Variants in TBC1D5 observed in about 807,000 individuals in gnomAD.
The protein encoded by TBC1D5 is TBC1 domain family member 5.
Under a neutral mutation model 100.3 loss-of-function variants are expected in TBC1D5, and 75 were observed. That is an observed-to-expected ratio of 0.75 (90% CI 0.62 to 0.91). The LOEUF is 0.91. Ranked by LOEUF, TBC1D5 falls within the 40% of genes least tolerant of loss-of-function variation. The probability of loss-of-function intolerance (pLI) is 0.00; values close to 1 mark genes in which losing one functional copy is unlikely to be tolerated. For synonymous variants in TBC1D5, 323 were observed against 325.6 expected (o/e 0.99, Z 0.09); for missense variants, 910 against 942.4 (o/e 0.97, Z 0.45).
chr3:17,481,221 G>A (rs7427937), intron 3 of TBC1D5, among the ~76,000 whole-genome samples: 2,502 of 152,308 alleles, frequency 0.016, 48 homozygotes, highest in South Asian at 0.047. Context: ...GGCACCTAGG[G>A]CTGCCCGCCC....
At chr3:17,229,438 G>C (rs999591285) in intron 17 of TBC1D5, among the ~76,000 whole-genome samples, 1 of 152,102 alleles carries the variant, frequency 6.6e-6, no homozygotes, top group Non-Finnish European at 1.5e-5. Context: ...CTGTTGGATT[G>C]GGTACCTGCA....
chr3:17,384,418 T>A (rs1040434669), intron 8 of TBC1D5, among the ~76,000 whole-genome samples: 2 of 152,120 alleles, frequency 1.3e-5, no homozygotes, highest in African/African-American at 4.8e-5. Context: ...TTTTCCTTGA[T>A]GTAAAATAGC....
chr3:17,735,769 C>A (rs1410741837), intron 1 of TBC1D5, among the ~76,000 whole-genome samples: 1 of 152,322 alleles, frequency 6.6e-6, no homozygotes, highest in East Asian at 1.9e-4. Context: ...GGACACCCTG[C>A]TGGATCTGGA....
exon 13 of TBC1D5, chr3:17,372,230 C>T: frequency 1.9e-6 from 3 of 1,608,828 alleles, no homozygotes; most frequent in Non-Finnish European, 2.5e-6. Flanking sequence ...GAATGGGAGT[C>T]ATCAGTGTTT....
intron 1 of TBC1D5, among the ~76,000 whole-genome samples, chr3:17,734,431 T>C (rs187276765): frequency 4.1e-4 from 62 of 152,320 alleles, no homozygotes; most frequent in African/African-American, 1.2e-3. Context: ...TAAAATTTTT[T>C]GGACCCTCTA....
chr3:17,327,689 C>T (rs537900710), intron 13 of TBC1D5, among the ~76,000 whole-genome samples: 3 of 152,258 alleles, frequency 2.0e-5, no homozygotes, highest in African/African-American at 7.2e-5. Flanking sequence ...GATCCCTTCC[C>T]TATTTATTTT....
At chr3:17,677,709 C>A (rs538240079) in intron 1 of TBC1D5, among the ~76,000 whole-genome samples, 2 of 152,168 alleles carry the variant, frequency 1.3e-5, no homozygotes, top group South Asian at 2.1e-4. Context: ...ATGTTTATTG[C>A]GGCACTATTC....
chr3:17,270,406 G>A (rs1366299754), intron 15 of TBC1D5, among the ~76,000 whole-genome samples: 3 of 151,964 alleles, frequency 2.0e-5, no homozygotes, highest in Admixed American at 6.6e-5. Context: ...TATCAGTCCC[G>A]CAGCAATGGA....
chr3:17,196,519 A>G (rs1034902194), intron 18 of TBC1D5, among the ~76,000 whole-genome samples: 1 of 152,242 alleles, frequency 6.6e-6, no homozygotes, highest in Non-Finnish European at 1.5e-5. Context: ...AAGGCTGAAC[A>G]GGGTGAGACT....
At chr3:17,527,012 T>C (rs2096145062) in intron 2 of TBC1D5, among the ~76,000 whole-genome samples, 1 of 152,216 alleles carries the variant, frequency 6.6e-6, no homozygotes, top group African/African-American at 2.4e-5. Flanking sequence ...TCCTCCCATG[T>C]GCCAAAAGCT....
chr3:17,527,375 G>T (rs1321291666), intron 2 of TBC1D5, among the ~76,000 whole-genome samples: 1 of 152,158 alleles, frequency 6.6e-6, no homozygotes. Context: ...GAGGTCTGGA[G>T]ATACTGGGGG....
intron 2 of TBC1D5, among the ~76,000 whole-genome samples, chr3:17,598,074 T>G (rs2060693142): frequency 6.6e-6 from 1 of 151,574 alleles, no homozygotes; most frequent in Non-Finnish European, 1.5e-5. Context: ...TTCTTAGAAT[T>G]GCTTTGGGCA....
chr3:17,414,660 A>T (rs2094018517), intron 4 of TBC1D5, among the ~76,000 whole-genome samples: 1 of 152,238 alleles, frequency 6.6e-6, no homozygotes, highest in African/African-American at 2.4e-5. Flanking sequence ...AGGTGCCAAG[A>T]TCAACCAGAT....
chr3:17,494,932 GGTTGC>G (rs2095687096), intron 3 of TBC1D5, among the ~76,000 whole-genome samples: 1 of 152,192 alleles, frequency 6.6e-6, no homozygotes, highest in Non-Finnish European at 1.5e-5. Flanking sequence ...CTGATCCCTG[GGTTGC>G]ACAGATCCAT....
chr3:17,705,853 G>A (rs1001158090), intron 1 of TBC1D5, among the ~76,000 whole-genome samples: 13 of 151,734 alleles, frequency 8.6e-5, no homozygotes, highest in Non-Finnish European at 1.5e-4. Flanking sequence ...GGTGGCGGCC[G>A]GGCAGAGGCT....
intron 1 of TBC1D5, among the ~76,000 whole-genome samples, chr3:17,697,439 C>T (rs554818697): frequency 2.0e-5 from 3 of 152,282 alleles, no homozygotes; most frequent in East Asian, 1.9e-4. Flanking sequence ...GAAAAAATCA[C>T]AAGCATTCCT....
At chr3:17,689,469 G>A (rs1388437935) in intron 1 of TBC1D5, among the ~76,000 whole-genome samples, 10 of 149,598 alleles carry the variant, frequency 6.7e-5, no homozygotes, top group African/African-American at 2.5e-4. Flanking sequence ...AGTTGGGAAG[G>A]TCAAGGCTGC....
intron 3 of TBC1D5, among the ~76,000 whole-genome samples, chr3:17,429,950 T>C (rs1285861064): frequency 7.6e-6 from 1 of 131,306 alleles, no homozygotes; most frequent in East Asian, 1.9e-4. Context: ...AATCCTAAAA[T>C]GGATTACAAC....
chr3:17,336,619 T>A (rs2087857503), intron 13 of TBC1D5, among the ~76,000 whole-genome samples: 1 of 151,650 alleles, frequency 6.6e-6, no homozygotes, highest in Non-Finnish European at 1.5e-5. Flanking sequence ...AGAAAGTAAA[T>A]GTTTGACATA....
Sources: gnomAD v4.1 joint callset for allele counts (sites outside exome capture counted in the v4.1 genomes callset) on GRCh38, gnomAD v4.1.1 for gene constraint, MANE v1.5 for transcripts, NCBI Gene and HGNC (gene_info 2026-07-23, HGNC 2026-07-21) for gene names.